The following MCM8 variants were observed in gnomAD, a reference collection of about 807,000 sequenced individuals.
MCM8 encodes the protein DNA helicase MCM8.
Under a neutral mutation model 98.9 loss-of-function variants are expected in MCM8, and 85 were observed. The ratio of observed to expected loss-of-function variants is 0.86; its 90% CI spans 0.72 to 1.03. The LOEUF is 1.03. Ranked by LOEUF, MCM8 falls within the 50% of genes least tolerant of loss-of-function variation. The probability of loss-of-function intolerance (pLI) is 0.00; values close to 1 mark genes in which losing one functional copy is unlikely to be tolerated. For missense variants in MCM8, 951 were observed against 997.8 expected (o/e 0.95, Z 0.63); for synonymous variants, 352 against 338.6 (o/e 1.04, Z -0.44).
chr20:5,953,759 C>T (rs1260551000), intron 3 of MCM8, among the ~76,000 whole-genome samples: 1 of 150,136 alleles, frequency 6.7e-6, no homozygotes, highest in East Asian at 1.9e-4. Context: ...AGACGTGAGC[C>T]ACCGCACCCA....
Position 5,994,732 on chromosome 20 carries a change from C to T in MCM8, c.*341C>T, listed in dbSNP as rs941415023. The T allele has an allele frequency of 5.8e-4, 208 of 359,524 alleles. 3 individuals are homozygous for T. The African/African-American group carries it at 5.8e-3, about 10-fold the overall frequency. 22.3% of individuals were successfully genotyped at this position (359,524 alleles called of 1,614,324 possible). ...TGGGCAACATAGCAAGACCCCATTT[C>T]TTAAAAAAAAAAAAAAAAAATTTAA... On this transcript the variant is annotated 3_prime_UTR_variant, in exon 19 of 19. Transcript: ENST00000610722.
chr20:5,979,134 G>C (rs2089577491), intron 13 of MCM8, among the ~76,000 whole-genome samples: 1 of 152,206 alleles, frequency 6.6e-6, no homozygotes, highest in Admixed American at 6.5e-5. Flanking sequence ...TCTGAACCCA[G>C]GACCTGGTAG....
At chr20:5,953,964 T>C (rs2088904225) in intron 3 of MCM8, among the ~76,000 whole-genome samples, 1 of 152,192 alleles carries the variant, frequency 6.6e-6, no homozygotes, top group African/African-American at 2.4e-5. Flanking sequence ...TTAGGATGTA[T>C]TAGCCACCAG....
At position 5,983,755 on chromosome 20, in the gene MCM8, A is replaced by G. The variant is rs373570194; in HGVS notation, c.1733+590A>G. Among the ~76,000 whole-genome samples the G allele has an allele frequency of 2.1e-4, 32 of 152,090 alleles. No individual in the cohort carries two copies. The East Asian group carries it at 4.1e-3, about 19-fold the overall frequency. On this transcript the variant is annotated intron_variant, in intron 14 of 18. Coordinates refer to ENST00000610722, the MANE Select transcript of MCM8 (RefSeq NM_032485.6). ...CATACACAATTTATTATTTTGTGGG[A>G]CCCCTTGGTGTGTTGATCACAATTC...
intron 3 of MCM8, among the ~76,000 whole-genome samples, chr20:5,953,317 G>A (rs2088881037): frequency 1.3e-5 from 2 of 152,076 alleles, no homozygotes; most frequent in African/African-American, 4.8e-5. Context: ...TAGAAACACA[G>A]GTAAGGAATC....
At position 5,993,556 on chromosome 20, in the gene MCM8, C is replaced by T. The variant is rs149662059; in HGVS notation, c.2291C>T (p.Ser764Phe). 1,577 of 1,596,754 alleles carry T rather than the reference C, an allele frequency of 9.9e-4. 15 individuals carry two copies. Among genetic ancestry groups the T allele is most frequent in the East Asian group, 5.3e-3 (238 of 44,804 alleles). The change falls in exon 18 of 19, where the codon TCC becomes TTC. Residue 764 changes from serine to phenylalanine, a missense_variant. Physicochemically the swap from Ser to Phe is radical, Grantham distance 155. Coordinates refer to ENST00000610722, the MANE Select transcript of MCM8 (RefSeq NM_032485.6). ...DEFGNLDFERSQHGSGMSNRS... is the reference protein window; with the variant it reads ...DEFGNLDFERFQHGSGMSNRS... Reference sequence around the variant, plus strand: ...TTTGGGAACCTAGATTTTGAGCGATCCCAGCATGGTTCTGGAATGAGCAAC... The same window carrying T: ...TTTGGGAACCTAGATTTTGAGCGATTCCAGCATGGTTCTGGAATGAGCAAC...
intron 15 of MCM8, 44 bp downstream of exon 15, chr20:5,985,044 T>C: frequency 6.5e-7 from 1 of 1,531,596 alleles, no homozygotes; most frequent in Non-Finnish European, 9.0e-7. Context: ...TCTGTTTGAA[T>C]GTCAAAGTTC....
chr20:5,961,988 G>A (rs570896454), intron 7 of MCM8, among the ~76,000 whole-genome samples: 1 of 152,300 alleles, frequency 6.6e-6, no homozygotes, highest in African/African-American at 2.4e-5. Flanking sequence ...TGATATCTGT[G>A]GATCAGGAGT....
chr20:5,973,034 T>C, intron 11 of MCM8, 22 bp from the exon 12 acceptor site: 1 of 1,611,564 alleles, frequency 6.2e-7, no homozygotes, highest in Admixed American at 1.7e-5. Flanking sequence ...CTTCTGTTTT[T>C]TGTTCTTTTT....
intron 8 of MCM8, chr20:5,965,422 C>T (rs2089254224): frequency 6.6e-6 from 1 of 152,172 alleles, no homozygotes; most frequent in African/African-American, 2.4e-5. Flanking sequence ...AACATAAAAC[C>T]TCCAGCTTTG....
intron 5 of MCM8, among the ~76,000 whole-genome samples, chr20:5,956,025 C>T (rs570896113): frequency 6.6e-6 from 1 of 152,260 alleles, no homozygotes; most frequent in South Asian, 2.1e-4. Flanking sequence ...CCTTGGCTTC[C>T]TAAAGTGCTA....
At chr20:5,952,608 G>T (rs1600234738) in intron 3 of MCM8, 80 bp downstream of exon 3, 1 of 1,146,648 alleles carries the variant, frequency 8.7e-7, no homozygotes, top group East Asian at 2.4e-5. Context: ...TTGTATTACT[G>T]TAATTCATTT....
chr20:5,981,705 G>A (rs1025304203), intron 13 of MCM8, among the ~76,000 whole-genome samples: 1 of 152,116 alleles, frequency 6.6e-6, no homozygotes, highest in African/African-American at 2.4e-5. Flanking sequence ...AAGAAATAAC[G>A]TAGGAAGAAA....
chr20:5,978,296 A>G (rs923609844), intron 13 of MCM8, among the ~76,000 whole-genome samples: 12 of 151,442 alleles, frequency 7.9e-5, no homozygotes, highest in African/African-American at 2.9e-4. Flanking sequence ...TGAACTTCCC[A>G]TTTCATACCA....
intron 1 of MCM8, 93 bp from the exon 2 acceptor site, chr20:5,951,918 A>G: frequency 7.2e-7 from 1 of 1,381,908 alleles, no homozygotes; most frequent in South Asian, 1.5e-5. Flanking sequence ...TGAACCTAGA[A>G]TACATTAATT....
rs2088796702 is a variant in MCM8, at chr20:5,950,720, G to C, written c.-309G>C. 1 of 263,364 alleles carries C rather than the reference G, an allele frequency of 3.8e-6. No homozygotes were observed. Among genetic ancestry groups the C allele is most frequent in the African/African-American group, 2.2e-5 (1 of 44,922 alleles). 16.3% of individuals were successfully genotyped at this position (263,364 alleles called of 1,614,324 possible). A position where few individuals can be genotyped will look rare whatever the true frequency, so the allele number is the denominator to read the frequency against. ...AGGGGAAGACCTGATTTTCGCTTGA[G>C]GCATTTTTGCGGCGCTGTGCGCTAC... On this transcript the variant is annotated 5_prime_UTR_variant, in exon 1 of 19. Coordinates refer to ENST00000610722, the MANE Select transcript of MCM8 (RefSeq NM_032485.6).
intron 8 of MCM8, among the ~76,000 whole-genome samples, chr20:5,965,926 C>T (rs937110958): frequency 2.0e-5 from 3 of 152,010 alleles, no homozygotes; most frequent in Non-Finnish European, 4.4e-5. Flanking sequence ...GTTCTCCAGA[C>T]CTGCATTCCT....
chr20:5,953,156 T>C (rs1018359164), intron 3 of MCM8, among the ~76,000 whole-genome samples: 1 of 152,244 alleles, frequency 6.6e-6, no homozygotes, highest in Non-Finnish European at 1.5e-5. Flanking sequence ...TTTCTCTTCC[T>C]GCCACCTTCC....
At position 5,998,402 on chromosome 20, in the gene MCM8, C is replaced by A. The variant is rs1292608846; in HGVS notation, c.*4011C>A. 6.6e-6 allele frequency: 1 copy of A among 152,248 alleles called. No homozygotes were observed. Among genetic ancestry groups the A allele is most frequent in the African/African-American group, 2.4e-5 (1 of 41,470 alleles). The allele number at this position is 152,248 out of a possible 1,614,324, so 9.4% of individuals were successfully genotyped here. A position where few individuals can be genotyped will look rare whatever the true frequency, so the allele number is the denominator to read the frequency against. ...TGAGGAGAGAGCCATCTTCCTCTTG[C>A]TTGTGTTCTGGTGGCATGTGTGGTT... On this transcript the variant is annotated 3_prime_UTR_variant, in exon 19 of 19. Coordinates refer to ENST00000610722, the MANE Select transcript of MCM8 (RefSeq NM_032485.6).
Sources: gnomAD v4.1 joint callset for allele counts (sites outside exome capture counted in the v4.1 genomes callset) on GRCh38, gnomAD v4.1.1 for gene constraint, MANE v1.5 for transcripts, NCBI Gene and HGNC (gene_info 2026-07-23, HGNC 2026-07-21) for gene names.